The following OPCML variants were observed in gnomAD, a reference collection of about 807,000 sequenced individuals.
OPCML encodes the protein opioid-binding protein/cell adhesion molecule.
OPCML carries 13 observed loss-of-function variants against 37.8 expected under a neutral mutation model. The ratio of observed to expected loss-of-function variants is 0.34; its 90% confidence interval spans 0.22 to 0.55. The LOEUF (loss-of-function observed/expected upper bound fraction) is 0.55. OPCML is among the 20% of genes least tolerant of loss of function. The pLI is 0.91. For synonymous variants in OPCML, 176 were observed against 168.8 expected, an observed-to-expected ratio of 1.04 and a Z score of -0.33; for missense variants, 341 against 435.6, an observed-to-expected ratio of 0.78 and a Z score of 1.93.
intron 3 of OPCML, among the ~76,000 whole-genome samples, chr11:132,652,338 G>A (rs1941467065): frequency 7.6e-6 from 1 of 131,662 alleles, no homozygotes; most frequent in South Asian, 2.4e-4. Flanking sequence ...TCAATAGAAG[G>A]AAGAATGACA....
chr11:132,532,176 C>A (rs2096327399), intron 3 of OPCML, among the ~76,000 whole-genome samples: 1 of 152,248 alleles, frequency 6.6e-6, no homozygotes, highest in Admixed American at 6.5e-5. Flanking sequence ...TCAATGTCAC[C>A]CATTAGGAAA....
rs541678609 is a variant in OPCML, at chr11:132,571,671, A to G, written c.380-42485T>C. 2.0e-5 allele frequency among the ~76,000 whole-genome samples: 3 copies of G among 152,280 alleles called. No individual in the cohort carries two copies. In the South Asian group the frequency reaches 6.2e-4, roughly 32 times the overall value. On this transcript the variant is annotated intron_variant, in intron 3 of 7. Coordinates refer to ENST00000524381, the MANE Select transcript of OPCML (RefSeq NM_001012393.5). ...CCACGTTGTCTTTAGCCACTCATCCATCAGTGGGTGTTTAGGTTGTTTCCA... is the reference window on the plus strand; with the variant it reads ...CCACGTTGTCTTTAGCCACTCATCCGTCAGTGGGTGTTTAGGTTGTTTCCA...
At chr11:132,844,834 G>A (rs553591302) in intron 2 of OPCML, among the ~76,000 whole-genome samples, 1 of 151,614 alleles carries the variant, frequency 6.6e-6, no homozygotes, top group South Asian at 2.1e-4. Context: ...CTGGGTCACT[G>A]CACACTATAA....
chr11:132,479,762 C>CG (rs2096172172), intron 4 of OPCML, among the ~76,000 whole-genome samples: 1 of 152,188 alleles, frequency 6.6e-6, no homozygotes, highest in Non-Finnish European at 1.5e-5. Flanking sequence ...CCAGCAGGGG[C>CG]AGACTGACAC....
chr11:133,032,500 G>T (rs1194273472), intron 1 of OPCML, among the ~76,000 whole-genome samples: 2 of 152,194 alleles, frequency 1.3e-5, no homozygotes, highest in African/African-American at 4.8e-5. Context: ...GGTTGTAAAA[G>T]TTTGGGAACA....
At chr11:133,059,497 C>T (rs908731164) in intron 1 of OPCML, among the ~76,000 whole-genome samples, 6 of 152,242 alleles carry the variant, frequency 3.9e-5, no homozygotes, top group African/African-American at 1.4e-4. Flanking sequence ...AAGCCCATTG[C>T]ATGAGTAGTC....
chr11:133,058,344 A>T (rs1419413914), intron 1 of OPCML, among the ~76,000 whole-genome samples: 7 of 152,172 alleles, frequency 4.6e-5, no homozygotes, highest in Non-Finnish European at 8.8e-5. Flanking sequence ...AATTCCAGGT[A>T]CAAACAGCAT....
intron 1 of OPCML, among the ~76,000 whole-genome samples, chr11:133,151,249 G>C (rs1432695397): frequency 6.6e-6 from 1 of 151,850 alleles, no homozygotes; most frequent in Non-Finnish European, 1.5e-5. Context: ...CTCCAGCCTG[G>C]GCAACAGAGC....
chr11:132,547,585 G>A (rs1402049862), intron 3 of OPCML, among the ~76,000 whole-genome samples: 3 of 152,160 alleles, frequency 2.0e-5, no homozygotes, highest in African/African-American at 7.2e-5. Context: ...TCCAAGTATA[G>A]TGGCAAAGCC....
intron 1 of OPCML, among the ~76,000 whole-genome samples, chr11:133,342,202 C>T (rs1322127455): frequency 6.6e-6 from 1 of 152,130 alleles, no homozygotes; most frequent in African/African-American, 2.4e-5. Context: ...CCCTAGAGGC[C>T]TCCATCTTTC....
intron 1 of OPCML, among the ~76,000 whole-genome samples, chr11:133,075,079 C>T (rs1008726805): frequency 2.0e-5 from 3 of 152,180 alleles, no homozygotes; most frequent in Non-Finnish European, 4.4e-5. Flanking sequence ...CGCGTCCCCA[C>T]CCTGCCCTGT....
At chr11:132,610,678 G>A (rs1938585895) in intron 3 of OPCML, among the ~76,000 whole-genome samples, 1 of 152,272 alleles carries the variant, frequency 6.6e-6, no homozygotes, top group Non-Finnish European at 1.5e-5. Context: ...CATTATTTCT[G>A]AAGGAGACTC....
intron 3 of OPCML, among the ~76,000 whole-genome samples, chr11:132,597,987 T>C (rs1175815680): frequency 6.6e-6 from 1 of 152,184 alleles, no homozygotes; most frequent in East Asian, 1.9e-4. Flanking sequence ...ACTCATTTCT[T>C]TTTTTTTCAA....
chr11:133,258,742 T>G (rs1215588645), intron 1 of OPCML, among the ~76,000 whole-genome samples: 1 of 152,016 alleles, frequency 6.6e-6, no homozygotes, highest in Non-Finnish European at 1.5e-5. Context: ...CTCACACCCA[T>G]GGTTCTGGAG....
chr11:133,114,197 C>G (rs7110459), intron 1 of OPCML, among the ~76,000 whole-genome samples: 79,136 of 151,916 alleles, frequency 0.52, 21,280 homozygotes, highest in East Asian at 0.8. Flanking sequence ...TGGGCCTCCC[C>G]CTGAACTGCT....
chr11:133,349,378 C>A (rs754530522), intron 1 of OPCML, among the ~76,000 whole-genome samples: 1 of 152,164 alleles, frequency 6.6e-6, no homozygotes, highest in Non-Finnish European at 1.5e-5. Context: ...TGCTCATTCT[C>A]ACCTCTTAAT....
At chr11:132,952,178 G>A (rs1945874517) in intron 1 of OPCML, among the ~76,000 whole-genome samples, 1 of 152,112 alleles carries the variant, frequency 6.6e-6, no homozygotes. Flanking sequence ...GGAGTGGAGT[G>A]GCCGAGAAGA....
At chr11:132,888,645 C>CTT (rs148592027) in intron 2 of OPCML, among the ~76,000 whole-genome samples, 1 of 151,852 alleles carries the variant, frequency 6.6e-6, no homozygotes, top group African/African-American at 2.4e-5. Context: ...GTTTGTTTGG[C>CTT]TTTTTTTTGG....
intron 2 of OPCML, among the ~76,000 whole-genome samples, chr11:132,663,283 G>A (rs1485403738): frequency 1.4e-4 from 21 of 152,200 alleles, no homozygotes; most frequent in Non-Finnish European, 1.5e-5. Flanking sequence ...GATAAAAGGT[G>A]TAAGACAATG....
Sources: allele counts gnomAD v4.1 joint callset (sites outside exome capture counted in the v4.1 genomes callset), GRCh38; gene constraint gnomAD v4.1.1; transcripts MANE v1.5; gene names NCBI Gene and HGNC (gene_info 2026-07-23, HGNC 2026-07-21).